FRMD4B: variants seen among roughly 807,000 people sequenced by gnomAD.
FRMD4B encodes FERM domain containing 4B.
FRMD4B carries 74 observed loss-of-function variants against 141.5 expected under a neutral mutation model. The observed-to-expected ratio is 0.52, with a 90% CI of 0.43 to 0.63. The LOEUF is 0.63. Ranked by LOEUF, FRMD4B falls within the 30% of genes least tolerant of loss-of-function variation. The pLI is 0.00. For missense variants in FRMD4B, 1,366 were observed against 1,253.4 expected (o/e 1.09, Z -1.36); for synonymous variants, 506 against 467.9 (o/e 1.08, Z -1.05).
chr3:69,196,324 A>T lies in FRMD4B; in HGVS notation c.1165T>A (p.Ser389Thr), dbSNP rs751439645. 6.2e-6 allele frequency: 10 copies of T among 1,610,384 alleles called. No homozygotes were observed. In the Admixed American group the frequency reaches 1.7e-4, roughly 27 times the overall value. Residue 389 changes from serine to threonine, a missense_variant, in exon 14 of 23, where the codon TCC becomes ACC. By Grantham distance (58) the Ser-to-Thr change is moderately conservative. Coordinates refer to ENST00000398540, the MANE Select transcript of FRMD4B (RefSeq NM_015123.3). ...DLTETGTQRA[S>T]KLVTLETKSQ... ...TTCGTCTCCAGTGTCACCAGCTTGG[A>T]GGCCCTTTGTGTTCCTGTCTCTGTC...
chr3:69,401,747 C>T (rs1438805940), intron 2 of FRMD4B, among the ~76,000 whole-genome samples: 1 of 152,048 alleles, frequency 6.6e-6, no homozygotes, highest in Non-Finnish European at 1.5e-5. Flanking sequence ...TGGGGTTTTG[C>T]CTTGTTGCCC....
chr3:69,231,516 G>A lies in FRMD4B; in HGVS notation c.582-6826C>T, dbSNP rs559937233. On this transcript the variant is annotated intron_variant, in intron 7 of 22. Transcript: ENST00000398540. ...TTGGCCAGGCTGTTCTCGAACTCGT[G>A]ACCTCAGGTGATCTGCCCGCCTCCA... Among the ~76,000 whole-genome samples the A allele has an allele frequency of 3.3e-5, 5 of 152,348 alleles. No individual in the cohort carries two copies. The East Asian group carries it at 9.6e-4, about 29-fold the overall frequency.
At chr3:69,536,903 C>T (rs1701095938) in intron 1 of FRMD4B, among the ~76,000 whole-genome samples, 1 of 152,062 alleles carries the variant, frequency 6.6e-6, no homozygotes, top group African/African-American at 2.4e-5. Context: ...TGTGCCACCA[C>T]ACCCAGGTAA....
At chr3:69,423,842 C>T (rs77191414) in intron 2 of FRMD4B, among the ~76,000 whole-genome samples, 2 of 152,110 alleles carry the variant, frequency 1.3e-5, no homozygotes, top group African/African-American at 4.8e-5. Flanking sequence ...ATTAGCAGGA[C>T]CCTCATCCAT....
chr3:69,302,256 A>C, intron 4 of FRMD4B, 87 bp downstream of exon 4: 1 of 723,972 alleles, frequency 1.4e-6, no homozygotes, highest in South Asian at 1.5e-5. Flanking sequence ...AATCACCAGA[A>C]ATGTAAAAAA....
chr3:69,380,052 G>A (rs571139911), intron 1 of FRMD4B, among the ~76,000 whole-genome samples: 2 of 152,310 alleles, frequency 1.3e-5, no homozygotes, highest in South Asian at 2.1e-4. Flanking sequence ...TGGAGGACTT[G>A]GCCTTTGCCC....
At chr3:69,187,105 G>A (rs748772482) in intron 19 of FRMD4B, among the ~76,000 whole-genome samples, 19 of 152,090 alleles carry the variant, frequency 1.2e-4, no homozygotes, top group Non-Finnish European at 1.9e-4. Context: ...GGACTTTAAC[G>A]ACAATTTCCT....
intron 12 of FRMD4B, 91 bp downstream of exon 12, chr3:69,198,607 T>A (rs1232774008): frequency 1.4e-6 from 1 of 711,028 alleles, no homozygotes; most frequent in East Asian, 2.7e-5. Context: ...AATGAAAACA[T>A]ATGTTCATAT....
intron 1 of FRMD4B, among the ~76,000 whole-genome samples, chr3:69,352,480 C>A (rs952958318): frequency 2.0e-5 from 3 of 152,194 alleles, no homozygotes; most frequent in Non-Finnish European, 2.9e-5. Flanking sequence ...CCCACTTCCT[C>A]TACAGACTTC....
In FRMD4B at chr3:69,195,107, A is replaced by G. The variant is rs1260772091; in HGVS notation, c.1403T>C (p.Leu468Pro). The change falls in exon 16 of 23, where the codon CTG (leucine) becomes CCG (proline). Residue 468 changes from leucine (L) to proline (P), a missense_variant. Physicochemically the swap from Leu to Pro is moderately conservative, Grantham distance 98. Coordinates refer to ENST00000398540, the MANE Select transcript of FRMD4B (RefSeq NM_015123.3). ...LTGKMPKEYP[L>P]NIGEKPPQVR... ...CTGAGGAGGCTTCTCGCCTATGTTCAGGGGATACTCCTTTGGCATTTTGCC... is the reference window on the plus strand; with the variant it reads ...CTGAGGAGGCTTCTCGCCTATGTTCGGGGGATACTCCTTTGGCATTTTGCC... 19 of 1,613,842 alleles carry G rather than the reference A, an allele frequency of 1.2e-5. No individual in the cohort carries two copies. Among genetic ancestry groups the G allele is most frequent in the Non-Finnish European group, 1.6e-5 (19 of 1,179,826 alleles).
chr3:69,454,293 G>A (rs1292787228), intron 1 of FRMD4B, among the ~76,000 whole-genome samples: 2 of 152,222 alleles, frequency 1.3e-5, no homozygotes, highest in African/African-American at 4.8e-5. Flanking sequence ...GGCAGCCCTC[G>A]CTTGCTCTCT....
chr3:69,280,584 CT>C (rs764764751), intron 5 of FRMD4B, among the ~76,000 whole-genome samples: 1 of 152,178 alleles, frequency 6.6e-6, no homozygotes, highest in Non-Finnish European at 1.5e-5. Flanking sequence ...GGAGTTTAAA[CT>C]CAGGATGTCA....
At chr3:69,353,665 A>G in intron 1 of FRMD4B, 1 of 984,912 alleles carries the variant, frequency 1.0e-6, no homozygotes, top group Non-Finnish European at 1.2e-6. Context: ...GTGTGCGCGC[A>G]TGTGCTTGCA....
chr3:69,223,610 G>A (rs4855366), intron 8 of FRMD4B, among the ~76,000 whole-genome samples: 140,695 of 152,168 alleles, frequency 0.92, 65,603 homozygotes, highest in Non-Finnish European at 0.99. Flanking sequence ...AGGTCAAGGC[G>A]GGTAGATTGC....
chr3:69,224,124 T>G (rs1002640323), intron 8 of FRMD4B, among the ~76,000 whole-genome samples: 1 of 152,116 alleles, frequency 6.6e-6, no homozygotes, highest in Non-Finnish European at 1.5e-5. Context: ...AAATATGGGA[T>G]GAAAATGGAT....
chr3:69,221,955 T>C (rs1259795212), intron 8 of FRMD4B, 32 bp from the exon 9 acceptor site: 2 of 1,103,004 alleles, frequency 1.8e-6, no homozygotes, highest in East Asian at 2.4e-5. Context: ...AGGATTGCAA[T>C]GCATGATTAT....
At chr3:69,450,000 G>T (rs1249737637) in intron 1 of FRMD4B, among the ~76,000 whole-genome samples, 1 of 151,992 alleles carries the variant, frequency 6.6e-6, no homozygotes, top group Non-Finnish European at 1.5e-5. Flanking sequence ...ACCTTCCTCA[G>T]CCTCAGTTTC....
intron 1 of FRMD4B, among the ~76,000 whole-genome samples, chr3:69,461,623 CA>C (rs58143332): frequency 0.016 from 688 of 43,344 alleles, 5 homozygotes; most frequent in African/African-American, 0.054. Context: ...GACTCTGTCT[CA>C]AAAAAAAAAA....
chr3:69,500,881 T>C (rs1706484085), intron 1 of FRMD4B, among the ~76,000 whole-genome samples: 1 of 152,016 alleles, frequency 6.6e-6, no homozygotes, highest in Non-Finnish European at 1.5e-5. Context: ...CCAGGACAAG[T>C]GGGAAAGTCA....
Sources: gnomAD v4.1 joint callset for allele counts (sites outside exome capture counted in the v4.1 genomes callset) on GRCh38, gnomAD v4.1.1 for gene constraint, MANE v1.5 for transcripts, NCBI Gene and HGNC (gene_info 2026-07-23, HGNC 2026-07-21) for gene names.